The following SLC44A5 variants were observed in gnomAD, a reference collection of about 807,000 sequenced individuals.
SLC44A5 encodes choline transporter-like protein 5.
A neutral mutation model predicts 101.8 loss-of-function variants in SLC44A5; 57 were observed. The ratio of observed to expected loss-of-function variants is 0.56; its 90% CI spans 0.45 to 0.70. The LOEUF is 0.70. Ranked by LOEUF, SLC44A5 falls within the 30% of genes least tolerant of loss-of-function variation. SLC44A5 has a pLI of 0.00. For synonymous variants in SLC44A5, 281 were observed against 290.9 expected, an observed-to-expected ratio of 0.97 and a Z score of 0.35; for missense variants, 737 against 853.1, an observed-to-expected ratio of 0.86 and a Z score of 1.70.
intron 2 of SLC44A5, among the ~76,000 whole-genome samples, chr1:75,477,581 A>C (rs949815831): frequency 2.6e-5 from 4 of 152,214 alleles, no homozygotes; most frequent in Non-Finnish European, 1.5e-5. Context: ...CTGAAAACCA[A>C]GGCTCGAGAA....
intron 2 of SLC44A5, among the ~76,000 whole-genome samples, chr1:75,480,061 A>G (rs1269639889): frequency 6.6e-6 from 1 of 152,254 alleles, no homozygotes; most frequent in Non-Finnish European, 1.5e-5. Context: ...ACCATGATCA[A>G]GTGGGCTTCA....
chr1:75,520,594 G>A (rs1349286059), intron 2 of SLC44A5, among the ~76,000 whole-genome samples: 1 of 152,098 alleles, frequency 6.6e-6, no homozygotes, highest in African/African-American at 2.4e-5. Context: ...AGGTGGGTAA[G>A]AAGGGAGGAA....
chr1:75,238,385 CATATAT>C (rs71081318), intron 10 of SLC44A5, 122 bp downstream of exon 10: 52 of 215,564 alleles, frequency 2.4e-4, no homozygotes, highest in Middle Eastern at 1.2e-3. Context: ...ACGTATATTT[CATATAT>C]ATATATATAT....
chr1:75,639,754 G>GGA, the SLC44A5 span, among the ~76,000 whole-genome samples: 2 of 152,052 alleles, frequency 1.3e-5, no homozygotes, highest in African/African-American at 4.8e-5. Context: ...ACAAGTTACA[G>GGA]GTAACTGGGA....
intron 1 of SLC44A5, among the ~76,000 whole-genome samples, chr1:75,589,536 CA>C (rs1162329645): frequency 6.6e-6 from 1 of 151,806 alleles, no homozygotes; most frequent in African/African-American, 2.4e-5. Context: ...ATCGTCCTGC[CA>C]GCAAGAATAT....
At chr1:75,595,104 G>C (rs187967300) in intron 1 of SLC44A5, among the ~76,000 whole-genome samples, 19 of 152,036 alleles carry the variant, frequency 1.2e-4, no homozygotes, top group Non-Finnish European at 2.7e-4. Context: ...GAAAGAAAGG[G>C]AGGTAGGGAG....
At chr1:75,419,665 G>T (rs1663882684) in intron 2 of SLC44A5, among the ~76,000 whole-genome samples, 1 of 151,962 alleles carries the variant, frequency 6.6e-6, no homozygotes, top group Non-Finnish European at 1.5e-5. Context: ...TCTACACAAA[G>T]GAATTAAGAG....
Position 75,366,353 on chromosome 1 carries a change from T to G in SLC44A5, c.53-26723A>C, listed in dbSNP as rs532756388. Among the ~76,000 whole-genome samples the G allele has an allele frequency of 1.4e-4, 21 of 152,272 alleles. 1 individual carries two copies. In the South Asian group the frequency reaches 4.3e-3, roughly 32 times the overall value. On this transcript the variant is annotated intron_variant, in intron 3 of 23. Coordinates refer to ENST00000370859, the MANE Select transcript of SLC44A5 (RefSeq NM_001130058.2). ...CTTTTGAATATATAATCCCATACTCTCCTAGCCTGCAAGATTTCTGTTAAG... is the reference window on the plus strand; with the variant it reads ...CTTTTGAATATATAATCCCATACTCGCCTAGCCTGCAAGATTTCTGTTAAG...
chr1:75,616,425 G>C, the SLC44A5 span, among the ~76,000 whole-genome samples: 1 of 152,210 alleles, frequency 6.6e-6, no homozygotes, highest in South Asian at 2.1e-4. Flanking sequence ...AGAGTCTGAT[G>C]GAGTCTGCCT....
At chr1:75,303,595 G>T (rs1404458184) in intron 4 of SLC44A5, among the ~76,000 whole-genome samples, 1 of 152,174 alleles carries the variant, frequency 6.6e-6, no homozygotes, top group Non-Finnish European at 1.5e-5. Flanking sequence ...ATTAGCATCA[G>T]TTGGTGTTTT....
intron 2 of SLC44A5, among the ~76,000 whole-genome samples, chr1:75,482,443 A>T (rs1449305889): frequency 6.6e-6 from 1 of 152,088 alleles, no homozygotes; most frequent in Non-Finnish European, 1.5e-5. Context: ...AAAAATAAAA[A>T]AAAAGAATTC....
chr1:75,587,474 A>G (rs764006045), intron 1 of SLC44A5, among the ~76,000 whole-genome samples: 11 of 152,174 alleles, frequency 7.2e-5, no homozygotes, highest in Non-Finnish European at 1.6e-4. Flanking sequence ...CAGTTCATTC[A>G]TCATTTAATG....
intron 2 of SLC44A5, among the ~76,000 whole-genome samples, chr1:75,397,879 C>T (rs1245262148): frequency 6.6e-6 from 1 of 151,986 alleles, no homozygotes; most frequent in Non-Finnish European, 1.5e-5. Flanking sequence ...CAGGATATTC[C>T]CCACCACCAC....
intron 2 of SLC44A5, among the ~76,000 whole-genome samples, chr1:75,534,319 C>T (rs1014444282): frequency 1.3e-5 from 2 of 152,134 alleles, no homozygotes; most frequent in African/African-American, 2.4e-5. Flanking sequence ...TGTCCAGGTA[C>T]ATACATGGTC....
At chr1:75,656,053 G>A in the SLC44A5 span, among the ~76,000 whole-genome samples, 4,834 of 152,190 alleles carry the variant, frequency 0.032, 261 homozygotes, top group African/African-American at 0.11. Context: ...CTATACATCT[G>A]GCAACAGACT....
chr1:75,573,087 C>T (rs184142494), intron 1 of SLC44A5, among the ~76,000 whole-genome samples: 29 of 119,014 alleles, frequency 2.4e-4, no homozygotes, highest in African/African-American at 9.3e-4. Context: ...TGCACCACCG[C>T]GCTCCAGCCT....
chr1:75,694,861 T>C, the SLC44A5 span, among the ~76,000 whole-genome samples: 1 of 152,058 alleles, frequency 6.6e-6, no homozygotes, highest in Non-Finnish European at 1.5e-5. Context: ...AAATGGAAGG[T>C]TGTATAATAG....
chr1:75,203,830 TC>T lies in SLC44A5; in HGVS notation c.2050del (p.Glu684LysfsTer3). 6.5e-7 allele frequency: 1 copy of T among 1,548,118 alleles called. No individual in the cohort carries two copies. On this transcript the variant is annotated frameshift_variant and splice_region_variant, in exon 24 of 24. Transcript: ENST00000370859. LOFTEE classifies it low-confidence loss of function (END_TRUNC). ...CVETIFICFL[E>X]DLERNDGSTA... Reference sequence around the variant, plus strand: ...AGAACCATCATTTCTTTCTAAATCTTCCACTAGGAGGAAGAATGGTACAGAG... The same window carrying T: ...AGAACCATCATTTCTTTCTAAATCTTCACTAGGAGGAAGAATGGTACAGAG...
At chr1:75,454,645 A>G (rs924345710) in intron 2 of SLC44A5, among the ~76,000 whole-genome samples, 3 of 152,094 alleles carry the variant, frequency 2.0e-5, no homozygotes, top group Non-Finnish European at 4.4e-5. Flanking sequence ...AAAACCCTAA[A>G]GAATCCCCCA....
Sources: gnomAD v4.1 joint callset for allele counts (sites outside exome capture counted in the v4.1 genomes callset) on GRCh38, gnomAD v4.1.1 for gene constraint, MANE v1.5 for transcripts, NCBI Gene and HGNC (gene_info 2026-07-23, HGNC 2026-07-21) for gene names.